PCDH9: variants seen among roughly 807,000 people sequenced by gnomAD.
The protein encoded by PCDH9 is protocadherin-9.
PCDH9 carries 24 observed loss-of-function variants against 70.6 expected under a neutral mutation model. That is an observed-to-expected ratio of 0.34 (90% CI 0.25 to 0.48). The LOEUF (loss-of-function observed/expected upper bound fraction) is 0.48, where lower values mean the gene tolerates loss of function less well. PCDH9 is among the 20% of genes least tolerant of loss of function. PCDH9 has a pLI of 0.99. For missense variants in PCDH9, 1,281 were observed against 1,503.6 expected, an observed-to-expected ratio of 0.85 and a Z score of 2.45; for synonymous variants, 562 against 558.5, an observed-to-expected ratio of 1.01 and a Z score of -0.09.
intron 2 of PCDH9, among the ~76,000 whole-genome samples, chr13:67,051,198 G>C (rs974210547): frequency 6.6e-6 from 1 of 151,994 alleles, no homozygotes; most frequent in Admixed American, 6.6e-5. Flanking sequence ...TTTGGGTTAA[G>C]CCATATTTTA....
intron 2 of PCDH9, among the ~76,000 whole-genome samples, chr13:67,059,706 A>C (rs759756765): frequency 3.3e-5 from 5 of 151,726 alleles, no homozygotes; most frequent in Admixed American, 2.0e-4. Flanking sequence ...ACCGTCTTGA[A>C]TGAAGAGATG....
At chr13:66,768,154 T>C (rs1037893429) in intron 3 of PCDH9, among the ~76,000 whole-genome samples, 4 of 152,134 alleles carry the variant, frequency 2.6e-5, no homozygotes, top group South Asian at 4.1e-4. Flanking sequence ...TGTATATTTA[T>C]GACTTCTATT....
chr13:67,010,036 T>A (rs1450187800), intron 2 of PCDH9, among the ~76,000 whole-genome samples: 1 of 152,010 alleles, frequency 6.6e-6, no homozygotes. Context: ...TCAGGAAATG[T>A]GAAGAGCAAG....
At chr13:67,015,082 G>A (rs997087074) in intron 2 of PCDH9, among the ~76,000 whole-genome samples, 1 of 152,004 alleles carries the variant, frequency 6.6e-6, no homozygotes, top group African/African-American at 2.4e-5. Flanking sequence ...TATTTGTAAC[G>A]ATTTTCTTCT....
intron 3 of PCDH9, among the ~76,000 whole-genome samples, chr13:66,795,284 C>T (rs1043341288): frequency 2.0e-5 from 3 of 152,080 alleles, no homozygotes; most frequent in Admixed American, 1.3e-4. Context: ...CTTTGAGAAT[C>T]ATGTCAATGC....
intron 3 of PCDH9, among the ~76,000 whole-genome samples, chr13:66,844,294 T>C (rs2081166892): frequency 6.6e-6 from 1 of 152,016 alleles, no homozygotes; most frequent in Non-Finnish European, 1.5e-5. Flanking sequence ...GGCATGAAAG[T>C]CCCTAAAATT....
intron 3 of PCDH9, among the ~76,000 whole-genome samples, chr13:66,862,916 T>C (rs2081508062): frequency 6.6e-6 from 1 of 152,160 alleles, no homozygotes; most frequent in Admixed American, 6.5e-5. Context: ...ATTATATATA[T>C]TTTGGATATT....
intron 4 of PCDH9, among the ~76,000 whole-genome samples, chr13:66,434,423 G>T (rs910753161): frequency 6.6e-6 from 1 of 151,922 alleles, no homozygotes; most frequent in African/African-American, 2.4e-5. Flanking sequence ...TGCATTTCTT[G>T]GGCTAATATT....
chr13:66,464,226 A>T (rs993407584), intron 4 of PCDH9, among the ~76,000 whole-genome samples: 5 of 146,308 alleles, frequency 3.4e-5, no homozygotes, highest in African/African-American at 1.0e-4. Flanking sequence ...GTGAATGATT[A>T]AAAAAAAAAA....
chr13:66,994,974 C>T (rs1221794784), intron 2 of PCDH9, among the ~76,000 whole-genome samples: 4 of 152,090 alleles, frequency 2.6e-5, no homozygotes, highest in Non-Finnish European at 5.9e-5. Flanking sequence ...AACATGCCTG[C>T]AATGAAAAAT....
intron 4 of PCDH9, among the ~76,000 whole-genome samples, chr13:66,532,712 G>C (rs981496274): frequency 6.6e-6 from 1 of 151,996 alleles, no homozygotes; most frequent in Admixed American, 6.6e-5. Context: ...TATATTTTCG[G>C]TAGAGACGGG....
At chr13:66,536,922 T>G (rs188436197) in intron 4 of PCDH9, among the ~76,000 whole-genome samples, 16 of 152,232 alleles carry the variant, frequency 1.1e-4, no homozygotes, top group Admixed American at 4.6e-4. Flanking sequence ...GAGTTTCCTA[T>G]GACTCAGTCA....
At chr13:67,175,946 T>A (rs1326937608) in intron 2 of PCDH9, among the ~76,000 whole-genome samples, 2 of 146,476 alleles carry the variant, frequency 1.4e-5, no homozygotes, top group Non-Finnish European at 3.0e-5. Context: ...AGTAAACCAT[T>A]AAAAAAAAAA....
chr13:66,657,821 C>T (rs1227557344), intron 3 of PCDH9, among the ~76,000 whole-genome samples: 1 of 152,158 alleles, frequency 6.6e-6, no homozygotes, highest in East Asian at 1.9e-4. Context: ...CATTATTAGC[C>T]TAATGCTTAC....
intron 4 of PCDH9, among the ~76,000 whole-genome samples, chr13:66,576,378 A>T (rs577061183): frequency 1.3e-5 from 2 of 152,156 alleles, no homozygotes; most frequent in South Asian, 4.2e-4. Context: ...AATCGTAGCA[A>T]TGAAATTTCA....
At chr13:66,734,255 C>T (rs1566156482) in intron 3 of PCDH9, among the ~76,000 whole-genome samples, 1 of 152,080 alleles carries the variant, frequency 6.6e-6, no homozygotes, top group African/African-American at 2.4e-5. Context: ...GGTGAGCTTC[C>T]CTGGTTGGCA....
chr13:66,768,822 T>C (rs2079759382), intron 3 of PCDH9, among the ~76,000 whole-genome samples: 1 of 152,072 alleles, frequency 6.6e-6, no homozygotes, highest in Non-Finnish European at 1.5e-5. Context: ...TTAGAGCTCA[T>C]TTTATTACAT....
chr13:67,016,967 T>C (rs1045030915), intron 2 of PCDH9, among the ~76,000 whole-genome samples: 8 of 152,072 alleles, frequency 5.3e-5, no homozygotes, highest in African/African-American at 1.4e-4. Flanking sequence ...GGTTTTTTTT[T>C]CCCTCTGAGA....
intron 4 of PCDH9, among the ~76,000 whole-genome samples, chr13:66,457,711 A>G (rs1958346043): frequency 6.6e-6 from 1 of 152,050 alleles, no homozygotes; most frequent in Non-Finnish European, 1.5e-5. Flanking sequence ...GTTGGCAACC[A>G]CTGAGTTATG....
Sources: gnomAD v4.1 joint callset for allele counts (sites outside exome capture counted in the v4.1 genomes callset) on GRCh38, gnomAD v4.1.1 for gene constraint, MANE v1.5 for transcripts, NCBI Gene and HGNC (gene_info 2026-07-23, HGNC 2026-07-21) for gene names.